The following HELQ variants were observed in gnomAD, a reference collection of about 807,000 sequenced individuals.
HELQ encodes helicase, POLQ like.
A neutral mutation model predicts 111.6 loss-of-function variants in HELQ; 77 were observed. The observed-to-expected ratio is 0.69, with a 90% confidence interval of 0.57 to 0.83. The LOEUF (loss-of-function observed/expected upper bound fraction) is 0.83, where lower values mean the gene tolerates loss of function less well. HELQ is among the 40% of genes least tolerant of loss of function. HELQ has a pLI of 0.00. For synonymous variants in HELQ, 438 were observed against 454.7 expected (o/e 0.96, Z 0.47); for missense variants, 1,200 against 1,288.5 (o/e 0.93, Z 1.05).
At chr4:83,415,822 C>G (rs1263216480) in intron 17 of HELQ, among the ~76,000 whole-genome samples, 2 of 151,790 alleles carry the variant, frequency 1.3e-5, no homozygotes, top group Admixed American at 6.6e-5. Flanking sequence ...AATTTTTATA[C>G]TTTTAGTAGA....
In HELQ at chr4:83,407,468, G is replaced by A; in HGVS notation, c.3291C>T (p.Ser1097=). 2 of 1,602,298 alleles carry A rather than the reference G, an allele frequency of 1.2e-6. 1 individual carries two copies. The highest frequency in any genetic ancestry group is 2.3e-5 in the South Asian group (2 of 88,780). ...PSDFPGAVAS[S]TDKA ...TCAGATAGCTTCATGCTTTGTCAGT[G>A]GAAGAAGCCACAGCACCAGGGAAAT... Residue 1097 remains serine (S), a synonymous_variant, in exon 18 of 18, where the codon TCC becomes TCT. Coordinates refer to ENST00000295488, the MANE Select transcript of HELQ (RefSeq NM_133636.5).
chr4:83,426,143 G>T, intron 13 of HELQ, 51 bp from the exon 14 acceptor site: 3 of 912,774 alleles, frequency 3.3e-6, no homozygotes, highest in South Asian at 2.8e-5. Context: ...TCTGTCATGT[G>T]AACCAAATCC....
chr4:83,437,638 A>G (rs1241842280), intron 8 of HELQ, among the ~76,000 whole-genome samples: 2 of 150,696 alleles, frequency 1.3e-5, no homozygotes, highest in African/African-American at 2.4e-5. Context: ...AAATATAACT[A>G]TTTACATAAA....
At chr4:83,422,612 C>A (rs1487840631) in intron 14 of HELQ, among the ~76,000 whole-genome samples, 1 of 152,188 alleles carries the variant, frequency 6.6e-6, no homozygotes. Flanking sequence ...AGGAAAGAGG[C>A]ACGGATGGCT....
intron 8 of HELQ, among the ~76,000 whole-genome samples, chr4:83,437,833 G>A (rs1421540539): frequency 6.6e-6 from 1 of 151,928 alleles, no homozygotes; most frequent in Non-Finnish European, 1.5e-5. Flanking sequence ...CTTTTCTGAA[G>A]ATGGAAACAT....
At chr4:83,428,003 A>C (rs1269366967) in intron 12 of HELQ, among the ~76,000 whole-genome samples, 1 of 152,206 alleles carries the variant, frequency 6.6e-6, no homozygotes, top group Non-Finnish European at 1.5e-5. Context: ...TTTATAACAG[A>C]GAAAAATAAA....
intron 17 of HELQ, among the ~76,000 whole-genome samples, chr4:83,416,096 G>A (rs905743501): frequency 6.6e-6 from 1 of 150,784 alleles, no homozygotes. Context: ...ATAGGCGTGT[G>A]CCACCAAGTC....
intron 2 of HELQ, among the ~76,000 whole-genome samples, chr4:83,449,167 G>A (rs1308347947): frequency 1.3e-5 from 2 of 152,202 alleles, no homozygotes; most frequent in East Asian, 3.8e-4. Context: ...AGGCAGCAAG[G>A]TGGGCAACCA....
At chr4:83,423,422 A>G (rs890197842) in intron 14 of HELQ, among the ~76,000 whole-genome samples, 25 of 152,232 alleles carry the variant, frequency 1.6e-4, no homozygotes, top group African/African-American at 5.8e-4. Flanking sequence ...ACTTTTTTAA[A>G]AGCATTAAGC....
chr4:83,407,565 A>C lies in HELQ; in HGVS notation c.3199-5T>G, dbSNP rs755634859. On this transcript the variant is annotated splice_polypyrimidine_tract_variant and splice_region_variant and intron_variant, in intron 17 of 17. Transcript: ENST00000295488. ...TGCTTTTTCATGCAACAGCATCTAC[A>C]TTAAAAAATTAAGACGTGAGGCCAA... The C allele has an allele frequency of 1.2e-5, 20 of 1,601,452 alleles. No homozygotes were observed. In the East Asian group the frequency reaches 4.5e-4, roughly 36 times the overall value.
intron 13 of HELQ, 88 bp downstream of exon 13, chr4:83,427,475 C>T (rs1045974730): frequency 3.5e-6 from 4 of 1,135,158 alleles, no homozygotes. Context: ...GGCAACATGG[C>T]AAAGCCTCAT....
intron 14 of HELQ, among the ~76,000 whole-genome samples, chr4:83,425,725 T>C (rs1560544455): frequency 1.3e-5 from 2 of 152,206 alleles, no homozygotes. Flanking sequence ...TGAACTTATA[T>C]CAGGATTGTG....
intron 10 of HELQ, 93 bp downstream of exon 10, chr4:83,432,033 A>G: frequency 2.6e-6 from 2 of 758,098 alleles, no homozygotes; most frequent in Non-Finnish European, 2.0e-6. Flanking sequence ...AAAGAAAATT[A>G]ATAATTAATT....
intron 13 of HELQ, among the ~76,000 whole-genome samples, chr4:83,426,623 G>T (rs1383293492): frequency 6.6e-6 from 1 of 151,728 alleles, no homozygotes; most frequent in African/African-American, 2.4e-5. Context: ...GAGTGCAGTG[G>T]CATGATCTCA....
intron 9 of HELQ, among the ~76,000 whole-genome samples, chr4:83,436,159 T>A (rs1720446398): frequency 6.6e-6 from 1 of 152,108 alleles, no homozygotes; most frequent in Non-Finnish European, 1.5e-5. Context: ...AACTGATAAC[T>A]ACATAATTAA....
At chr4:83,417,306 A>G (rs1375079637) in intron 16 of HELQ, among the ~76,000 whole-genome samples, 1 of 151,706 alleles carries the variant, frequency 6.6e-6, no homozygotes, top group Non-Finnish European at 1.5e-5. Flanking sequence ...ACGTTCACAA[A>G]ATTTTCTTGC....
chr4:83,420,468 C>T lies in HELQ; in HGVS notation c.2949+1095G>A, dbSNP rs115982716. Among the ~76,000 whole-genome samples the T allele has an allele frequency of 2.9e-3, 448 of 152,076 alleles. 4 individuals are homozygous for T. Among genetic ancestry groups the T allele is most frequent in the African/African-American group, 0.01 (431 of 41,490 alleles). Reference sequence around the variant, plus strand: ...GCATCATAGTGAGACCCCCCACCCCCGCCCACCCTTTGCACAAAAAAAATT... The same window carrying T: ...GCATCATAGTGAGACCCCCCACCCCTGCCCACCCTTTGCACAAAAAAAATT... On this transcript the variant is annotated intron_variant, in intron 15 of 17. Coordinates refer to ENST00000295488, the MANE Select transcript of HELQ (RefSeq NM_133636.5).
chr4:83,429,357 C>A (rs1415712229), intron 12 of HELQ, among the ~76,000 whole-genome samples, 167 bp downstream of exon 12: 1 of 152,116 alleles, frequency 6.6e-6, no homozygotes, highest in African/African-American at 2.4e-5. Context: ...CTATATTGGC[C>A]AGGCTGGTCT....
intron 17 of HELQ, among the ~76,000 whole-genome samples, chr4:83,410,255 C>T (rs927712315): frequency 1.5e-4 from 23 of 152,026 alleles, no homozygotes; most frequent in African/African-American, 5.1e-4. Flanking sequence ...TCCCCACTCC[C>T]CCTAAAAAAA....
Sources: gnomAD v4.1 joint callset for allele counts (sites outside exome capture counted in the v4.1 genomes callset) on GRCh38, gnomAD v4.1.1 for gene constraint, MANE v1.5 for transcripts, NCBI Gene and HGNC (gene_info 2026-07-23, HGNC 2026-07-21) for gene names.